LRRC37A2: variants seen among roughly 807,000 people sequenced by gnomAD.
The protein encoded by LRRC37A2 is leucine rich repeat containing 37 member A2.
LRRC37A2 carries 9 observed loss-of-function variants against 68.8 expected under a neutral mutation model. The observed-to-expected ratio is 0.13, with a 90% confidence interval of 0.08 to 0.23. The LOEUF (loss-of-function observed/expected upper bound fraction) is 0.23. Ranked by LOEUF, LRRC37A2 falls within the 10% of genes least tolerant of loss-of-function variation. LRRC37A2 has a pLI of 1.00. For synonymous variants in LRRC37A2, 63 were observed against 367.6 expected, an observed-to-expected ratio of 0.17 and a Z score of 9.48; for missense variants, 168 against 950.4, an observed-to-expected ratio of 0.18 and a Z score of 10.82.
the LRRC37A2 span, among the ~76,000 whole-genome samples, chr17:46,745,733 A>G: frequency 1.3e-5 from 2 of 152,248 alleles, no homozygotes; most frequent in African/African-American, 4.8e-5. Context: ...AGGATGTATC[A>G]GCATGTGTGG....
chr17:46,906,755 C>T, the LRRC37A2 span, among the ~76,000 whole-genome samples: 1 of 152,046 alleles, frequency 6.6e-6, no homozygotes, highest in African/African-American at 2.4e-5. Context: ...GCAACTTACC[C>T]AAGATCACCC....
At chr17:46,742,364 G>T in the LRRC37A2 span, among the ~76,000 whole-genome samples, 7 of 152,292 alleles carry the variant, frequency 4.6e-5, no homozygotes, top group South Asian at 1.5e-3. Flanking sequence ...ACCCTTGAAA[G>T]CTATACTGGG....
chr17:46,897,052 C>T, the LRRC37A2 span, among the ~76,000 whole-genome samples: 3 of 152,096 alleles, frequency 2.0e-5, no homozygotes, highest in Non-Finnish European at 4.4e-5. Context: ...TGGAGGAGGT[C>T]GCTAGATAAA....
the LRRC37A2 span, among the ~76,000 whole-genome samples, chr17:46,802,691 A>C: frequency 1.3e-5 from 2 of 152,172 alleles, no homozygotes; most frequent in Admixed American, 1.3e-4. Flanking sequence ...TATGGAATGA[A>C]GCCCCCATAC....
At chr17:46,816,370 G>A in the LRRC37A2 span, among the ~76,000 whole-genome samples, 2 of 151,868 alleles carry the variant, frequency 1.3e-5, no homozygotes, top group Admixed American at 1.3e-4. Context: ...ACGCCCACAC[G>A]ATTTCACATC....
At chr17:46,980,754 A>T in the LRRC37A2 span, among the ~76,000 whole-genome samples, 1 of 151,448 alleles carries the variant, frequency 6.6e-6, no homozygotes, top group African/African-American at 2.4e-5. Context: ...AATGGCGTGA[A>T]CCCGGGAGGT....
At chr17:46,981,686 GT>G in the LRRC37A2 span, among the ~76,000 whole-genome samples, 10 of 152,084 alleles carry the variant, frequency 6.6e-5, no homozygotes, top group Non-Finnish European at 1.5e-4. Context: ...ATCCTGGTAA[GT>G]TATTAAAATT....
chr17:46,923,725 C>T, the LRRC37A2 span: 3 of 464,486 alleles, frequency 6.5e-6, no homozygotes, highest in Non-Finnish European at 1.0e-5. Context: ...GTAGCATTCA[C>T]TATTATTACT....
chr17:46,911,664 C>T, the LRRC37A2 span, among the ~76,000 whole-genome samples: 1 of 152,174 alleles, frequency 6.6e-6, no homozygotes, highest in Admixed American at 6.5e-5. Flanking sequence ...GGGTGGATCA[C>T]CTGAGGTCAG....
At chr17:46,500,535 G>A in the LRRC37A2 span, among the ~76,000 whole-genome samples, 20,946 of 136,932 alleles carry the variant, frequency 0.15, 2,227 homozygotes, top group East Asian at 0.31. Context: ...GGACTGTTTC[G>A]AGGCAGCTTT....
chr17:46,754,575 G>A, the LRRC37A2 span, among the ~76,000 whole-genome samples: 1 of 152,178 alleles, frequency 6.6e-6, no homozygotes, highest in Non-Finnish European at 1.5e-5. Context: ...CATATCTCCT[G>A]TGGGCCTACG....
the LRRC37A2 span, chr17:47,017,841 C>T: frequency 6.2e-7 from 1 of 1,610,756 alleles, no homozygotes; most frequent in Non-Finnish European, 8.5e-7. Flanking sequence ...TGGACCTTCT[C>T]AATTCCATCT....
At chr17:46,839,949 T>TC in the LRRC37A2 span, among the ~76,000 whole-genome samples, 2 of 148,686 alleles carry the variant, frequency 1.3e-5, no homozygotes, top group African/African-American at 5.1e-5. Context: ...TCTTTCTTTC[T>TC]TTCTTTCTTT....
At chr17:47,009,132 CAA>C in the LRRC37A2 span, among the ~76,000 whole-genome samples, 3 of 133,854 alleles carry the variant, frequency 2.2e-5, no homozygotes, top group Admixed American at 7.6e-5. Context: ...TATTCCATCT[CAA>C]AAAAAAAAAA....
At chr17:46,866,835 C>T in the LRRC37A2 span, among the ~76,000 whole-genome samples, 1 of 152,132 alleles carries the variant, frequency 6.6e-6, no homozygotes, top group Non-Finnish European at 1.5e-5. Context: ...AGCATCAGAC[C>T]CTCTCAAGCA....
the LRRC37A2 span, among the ~76,000 whole-genome samples, chr17:46,784,240 GA>G: frequency 1.3e-5 from 2 of 152,324 alleles, no homozygotes; most frequent in East Asian, 1.9e-4. Context: ...GAGCCAGGAT[GA>G]CCAGGAAGAT....
the LRRC37A2 span, among the ~76,000 whole-genome samples, chr17:46,924,756 TA>T: frequency 6.6e-6 from 1 of 152,216 alleles, no homozygotes. Context: ...GGAAGGGACT[TA>T]AAACTAGTCT....
the LRRC37A2 span, among the ~76,000 whole-genome samples, chr17:46,849,464 C>T: frequency 6.6e-6 from 1 of 152,310 alleles, no homozygotes; most frequent in South Asian, 2.1e-4. Flanking sequence ...GTGGCTGGGG[C>T]CTGGTGGGGT....
chr17:46,970,061 C>T, the LRRC37A2 span, among the ~76,000 whole-genome samples: 7 of 152,284 alleles, frequency 4.6e-5, no homozygotes, highest in South Asian at 2.1e-4. Flanking sequence ...TGTAAAATGA[C>T]GATCATCCCC....
Sources: allele counts gnomAD v4.1 joint callset (sites outside exome capture counted in the v4.1 genomes callset), GRCh38; gene constraint gnomAD v4.1.1; transcripts MANE v1.5; gene names NCBI Gene and HGNC (gene_info 2026-07-23, HGNC 2026-07-21).